KIF13B: variants seen among roughly 807,000 people sequenced by gnomAD.
KIF13B encodes kinesin-like protein KIF13B.
KIF13B carries 127 observed loss-of-function variants against 222.0 expected under a neutral mutation model. The observed-to-expected ratio is 0.57, with a 90% CI of 0.50 to 0.66. The LOEUF (loss-of-function observed/expected upper bound fraction) is 0.66. Among genes scored for constraint, KIF13B ranks in the 30% least tolerant of loss-of-function variants. The pLI is 0.00. For missense variants in KIF13B, 2,173 were observed against 2,379.0 expected (o/e 0.91, Z 1.80); for synonymous variants, 976 against 919.0 (o/e 1.06, Z -1.12).
chr8:29,258,844 C>T (rs1389553212), intron 1 of KIF13B, among the ~76,000 whole-genome samples: 2 of 152,168 alleles, frequency 1.3e-5, no homozygotes, highest in Admixed American at 6.5e-5. Flanking sequence ...ACCTTTTAAT[C>T]TAATCTTTTC....
chr8:29,088,966 T>C (rs969510027), intron 37 of KIF13B, among the ~76,000 whole-genome samples: 1 of 152,208 alleles, frequency 6.6e-6, no homozygotes, highest in Admixed American at 6.5e-5. Flanking sequence ...AAATCCAAAA[T>C]GAAAAGCTAA....
In KIF13B at chr8:29,072,112, C is replaced by T; in HGVS notation, c.4726G>A (p.Ala1576Thr). 2.9e-6 allele frequency: 4 copies of T among 1,364,970 alleles called. No homozygotes were observed. Among genetic ancestry groups the T allele is most frequent in the Non-Finnish European group, 1.9e-6 (2 of 1,056,250 alleles). The allele number at this position is 1,364,970 out of a possible 1,614,324, so 84.6% of individuals were successfully genotyped here. A position where few individuals can be genotyped will look rare whatever the true frequency, so the allele number is the denominator to read the frequency against. The change falls in exon 39 of 40, where the codon GCG becomes ACG. Residue 1576 changes from alanine (A) to threonine (T), a missense_variant. This residue lies in a region of KIF13B where 693 missense variants were observed against 656.2 expected (regional missense o/e 1.06). Coordinates refer to ENST00000524189, the MANE Select transcript of KIF13B (RefSeq NM_015254.4). Reference sequence around the variant, plus strand: ...GGGCCCAGGGCGTCCGACAGGGTCGCGGTGGAGACGCTGTGGGAGAAGTAC... The same window carrying T: ...GGGCCCAGGGCGTCCGACAGGGTCGTGGTGGAGACGCTGTGGGAGAAGTAC... ...SGYFSHSVST[A>T]TLSDALGPGL...
At chr8:29,083,107 C>G (rs1010301314) in intron 37 of KIF13B, among the ~76,000 whole-genome samples, 6 of 151,906 alleles carry the variant, frequency 3.9e-5, no homozygotes, top group African/African-American at 1.5e-4. Flanking sequence ...CCAGCCTGGG[C>G]AACAGAGCAA....
chr8:29,252,608 C>T (rs371401388), intron 1 of KIF13B, among the ~76,000 whole-genome samples: 11 of 152,070 alleles, frequency 7.2e-5, no homozygotes, highest in African/African-American at 1.7e-4. Flanking sequence ...CTTATTCAAC[C>T]GCAAACTTTG....
At chr8:29,183,147 AAATTAT>A (rs1253227256) in intron 6 of KIF13B, among the ~76,000 whole-genome samples, 1 of 150,918 alleles carries the variant, frequency 6.6e-6, no homozygotes, top group African/African-American at 2.4e-5. Context: ...AATAAGTAAT[AAATTAT>A]AATCCTTAAA....
rs770257103 is a variant in KIF13B, at chr8:29,110,052, C to A, written c.3949G>T (p.Glu1317Ter). Reference protein sequence around the residue: ...NIPEDAQGVEEREALARMAAN... With the variant: ...NIPEDAQGVE ...GCCATTCTTGCTAATGCTTCCCGTT[C>A]TTCCACTCCCTGGGCATCCTGAGCA... The change falls in exon 33 of 40, where the codon GAA becomes TAA. Residue 1317 changes from glutamate (E) to a stop codon, truncating the protein, a stop_gained. Coordinates refer to ENST00000524189, the MANE Select transcript of KIF13B (RefSeq NM_015254.4). LOFTEE classifies it high-confidence loss of function. 1.3e-6 allele frequency: 2 copies of A among 1,563,012 alleles called. No homozygotes were observed. The highest frequency in any genetic ancestry group is 1.4e-5 in the African/African-American group (1 of 73,570).
intron 15 of KIF13B, among the ~76,000 whole-genome samples, chr8:29,149,828 TTCTG>T (rs1447422622): frequency 6.6e-6 from 1 of 152,138 alleles, no homozygotes; most frequent in African/African-American, 2.4e-5. Flanking sequence ...AGATTTCTGG[TTCTG>T]TCAGGGGAAT....
intron 10 of KIF13B, 91 bp from the exon 11 acceptor site, chr8:29,167,676 TC>T: frequency 9.4e-7 from 1 of 1,065,290 alleles, no homozygotes; most frequent in Non-Finnish European, 1.4e-6. Context: ...TGAACAAATT[TC>T]CCCAGGTCAA....
intron 37 of KIF13B, among the ~76,000 whole-genome samples, chr8:29,077,476 A>C (rs1807618973): frequency 6.6e-6 from 1 of 152,240 alleles, no homozygotes; most frequent in Admixed American, 6.5e-5. Context: ...AACATTTCTC[A>C]AACTCCAAAA....
chr8:29,202,134 T>C (rs1479155780), intron 2 of KIF13B, among the ~76,000 whole-genome samples: 1 of 152,112 alleles, frequency 6.6e-6, no homozygotes, highest in Admixed American at 6.6e-5. Flanking sequence ...ATTTGAAAAC[T>C]CTACCAGTGA....
chr8:29,212,333 G>A (rs1294116508), intron 2 of KIF13B, among the ~76,000 whole-genome samples: 1 of 152,110 alleles, frequency 6.6e-6, no homozygotes, highest in African/African-American at 2.4e-5. Context: ...TGAGAGTCAC[G>A]GTTGCTCCCC....
intron 2 of KIF13B, among the ~76,000 whole-genome samples, chr8:29,225,283 T>A (rs987243221): frequency 1.3e-5 from 2 of 152,196 alleles, no homozygotes; most frequent in Admixed American, 6.6e-5. Context: ...ATTTTATGCA[T>A]ATTAACGCAT....
intron 2 of KIF13B, among the ~76,000 whole-genome samples, chr8:29,216,454 C>T (rs528277860): frequency 2.9e-4 from 44 of 152,194 alleles, no homozygotes; most frequent in African/African-American, 9.9e-4. Flanking sequence ...AAATATTTAG[C>T]TGGGCATGGT....
At chr8:29,187,672 CTTCT>C (rs1187768046) in intron 5 of KIF13B, among the ~76,000 whole-genome samples, 2 of 152,154 alleles carry the variant, frequency 1.3e-5, no homozygotes, top group African/African-American at 2.4e-5. Context: ...AGTATAATTC[CTTCT>C]GTTTTTAGTA....
intron 1 of KIF13B, among the ~76,000 whole-genome samples, chr8:29,258,489 G>A (rs576716259): frequency 4.6e-5 from 7 of 152,230 alleles, no homozygotes; most frequent in East Asian, 1.9e-4. Flanking sequence ...CCCTAGGTCC[G>A]GACTTCTGGC....
intron 23 of KIF13B, among the ~76,000 whole-genome samples, chr8:29,131,347 AAAG>A (rs999902530): frequency 6.6e-6 from 1 of 152,132 alleles, no homozygotes; most frequent in Non-Finnish European, 1.5e-5. Context: ...TAAAAAAAAA[AAAG>A]GAAAAAAAAA....
intron 2 of KIF13B, among the ~76,000 whole-genome samples, chr8:29,200,596 G>T (rs1191546526): frequency 6.6e-6 from 1 of 152,128 alleles, no homozygotes; most frequent in Admixed American, 6.5e-5. Flanking sequence ...CAGCTACAAT[G>T]ACCAAAACCA....
In KIF13B at chr8:29,130,421, A is replaced by G. The variant is rs555670919; in HGVS notation, c.3075+112T>C. On this transcript the variant is annotated intron_variant, in intron 24 of 39. Transcript: ENST00000524189. Reference sequence around the variant, plus strand: ...AGATAGGAGAATTTTAATGTAAGAAATGGACTTGGCCAGTCTAGATTTCAT... The same window carrying G: ...AGATAGGAGAATTTTAATGTAAGAAGTGGACTTGGCCAGTCTAGATTTCAT... 725 of 1,120,814 alleles carry G rather than the reference A, an allele frequency of 6.5e-4. 2 individuals are homozygous for G. The highest frequency in any genetic ancestry group is 7.8e-4 in the Non-Finnish European group (592 of 763,444). The allele number at this position is 1,120,814 out of a possible 1,614,324, so 69.4% of individuals were successfully genotyped here.
At chr8:29,112,233 G>A (rs570325145) in intron 32 of KIF13B, among the ~76,000 whole-genome samples, 1 of 152,116 alleles carries the variant, frequency 6.6e-6, no homozygotes, top group Non-Finnish European at 1.5e-5. Flanking sequence ...AGGAGACTGA[G>A]AGCATCCTGG....
Sources: allele counts gnomAD v4.1 joint callset (sites outside exome capture counted in the v4.1 genomes callset), GRCh38; gene constraint gnomAD v4.1.1; regional missense constraint gnomAD v4.1.1; transcripts MANE v1.5; gene names NCBI Gene and HGNC (gene_info 2026-07-23, HGNC 2026-07-21).